Variants in GFI1B observed in about 807,000 individuals in gnomAD.
GFI1B encodes growth factor independent 1B transcriptional repressor.
GFI1B carries 20 observed loss-of-function variants against 35.3 expected under a neutral mutation model. The ratio of observed to expected loss-of-function variants is 0.57; its 90% CI spans 0.40 to 0.82. The LOEUF (loss-of-function observed/expected upper bound fraction) is 0.82. GFI1B is among the 40% of genes least tolerant of loss of function. The probability of loss-of-function intolerance (pLI) is 0.00; values close to 1 mark genes in which losing one functional copy is unlikely to be tolerated. For synonymous variants in GFI1B, 178 were observed against 177.6 expected, an observed-to-expected ratio of 1.00 and a Z score of -0.02; for missense variants, 430 against 446.3, an observed-to-expected ratio of 0.96 and a Z score of 0.33.
intron 1 of GFI1B, among the ~76,000 whole-genome samples, chr9:132,986,377 C>T (rs1364933872): frequency 1.3e-5 from 2 of 152,148 alleles, no homozygotes; most frequent in East Asian, 3.9e-4. Flanking sequence ...CCCTGGGTGT[C>T]TGTGTCTCTG....
At chr9:132,983,233 A>G (rs1379414002) in intron 1 of GFI1B, among the ~76,000 whole-genome samples, 1 of 124,388 alleles carries the variant, frequency 8.0e-6, no homozygotes, top group Non-Finnish European at 1.6e-5. Context: ...TGGCTCTGTC[A>G]CCCAGGCTGA....
At chr9:132,984,868 T>C (rs1848979458) in intron 1 of GFI1B, among the ~76,000 whole-genome samples, 1 of 152,230 alleles carries the variant, frequency 6.6e-6, no homozygotes, top group Middle Eastern at 3.4e-3. Context: ...TCTGCCTGGC[T>C]GTGGTTCATC....
downstream of GFI1B, among the ~76,000 whole-genome samples, chr9:132,992,334 A>G (rs969775183): frequency 6.6e-6 from 1 of 152,126 alleles, no homozygotes; most frequent in Non-Finnish European, 1.5e-5. Flanking sequence ...AATGGCCCCA[A>G]AGATGATATC....
At chr9:132,990,357 A>T (rs1849251959) in intron 6 of GFI1B, among the ~76,000 whole-genome samples, 1 of 149,558 alleles carries the variant, frequency 6.7e-6, no homozygotes, top group Non-Finnish European at 1.5e-5. Context: ...TCATTTGCTC[A>T]TTCATTTGTT....
chr9:132,951,119 G>C (rs1848195068), intron 1 of GFI1B: 1 of 152,170 alleles, frequency 6.6e-6, no homozygotes, highest in Non-Finnish European at 1.5e-5. Flanking sequence ...TGGGGTTACA[G>C]GTGTGAGCCA....
intron 1 of GFI1B, among the ~76,000 whole-genome samples, chr9:132,986,237 C>T (rs918224668): frequency 7.4e-5 from 11 of 148,684 alleles, no homozygotes; most frequent in Non-Finnish European, 1.5e-4. Context: ...TGAGTTCTGG[C>T]GGCTGTCGGC....
rs181749411 is a variant in GFI1B, at chr9:132,984,339, G to A, written c.-20-2320G>A. ...GGGTGTGGGGAGCCCTGGTGAGGGA[G>A]GGGGAGGAGGCAAGAGGAGGAAGAC... On this transcript the variant is annotated intron_variant, in intron 1 of 6. Coordinates refer to ENST00000372122, the MANE Select transcript of GFI1B (RefSeq NM_001377304.1). Among the ~76,000 whole-genome samples, 41 of 152,300 alleles carry A rather than the reference G, an allele frequency of 2.7e-4. No homozygotes were observed. The East Asian group carries it at 5.2e-3, about 19-fold the overall frequency.
In GFI1B at chr9:132,989,324, C is replaced by A; in HGVS notation, c.648+126C>A. 1.1e-6 allele frequency: 1 copy of A among 911,310 alleles called. No individual in the cohort carries two copies. Among genetic ancestry groups the A allele is most frequent in the Non-Finnish European group, 1.7e-6 (1 of 572,954 alleles). The allele number at this position is 911,310 out of a possible 1,614,324, so 56.5% of individuals were successfully genotyped here. ...GGGTGACACAGATTGGGAGGGGTCCCCTAGTACCCACCTCCCTGGGTCTGG... is the reference window on the plus strand; with the variant it reads ...GGGTGACACAGATTGGGAGGGGTCCACTAGTACCCACCTCCCTGGGTCTGG... On this transcript the variant is annotated intron_variant, in intron 5 of 6. Transcript: ENST00000372122. The surrounding 1 kb of genome is among the most constrained non-coding windows in gnomAD (Gnocchi z 6.2).
intron 1 of GFI1B, among the ~76,000 whole-genome samples, chr9:132,981,442 G>A (rs765665989): frequency 6.6e-5 from 10 of 151,880 alleles, no homozygotes; most frequent in South Asian, 2.1e-4. Context: ...GATTTAGACC[G>A]GCCTGGGCAA....
chr9:132,986,718 A>T lies in GFI1B; in HGVS notation c.40A>T (p.Thr14Ser), dbSNP rs1481886997. 1.2e-6 allele frequency: 2 copies of T among 1,612,744 alleles called. No individual in the cohort carries two copies. The highest frequency in any genetic ancestry group is 1.7e-5 in the Admixed American group (1 of 59,888). Residue 14 changes from threonine (T) to serine (S), a missense_variant, in exon 2 of 7, where the codon ACC becomes TCC. Transcript: ENST00000372122. ...CCTGGTGAAGAGCAAGAAGGCTCACACCTACCACCAGCCCCGTGTGCAGGA... is the reference window on the plus strand; with the variant it reads ...CCTGGTGAAGAGCAAGAAGGCTCACTCCTACCACCAGCCCCGTGTGCAGGA... ...SFLVKSKKAH[T>S]YHQPRVQEDE...
upstream of GFI1B, among the ~76,000 whole-genome samples, chr9:132,974,179 T>C (rs563802237): frequency 6.6e-6 from 1 of 152,302 alleles, no homozygotes; most frequent in Admixed American, 6.5e-5. Context: ...CATTAGTGTC[T>C]CCCAAACACT....
Position 132,989,798 on chromosome 9 carries a change from G to A in GFI1B, c.705G>A (p.Leu235=). 6.2e-7 allele frequency: 1 copy of A among 1,614,064 alleles called. No individual in the cohort carries two copies. ...CGKAFKRSST[L]STHLLIHSDT... is the part of the protein sequence containing the mutation. Reference sequence around the variant, plus strand: ...AGGCCTTCAAGCGCTCGTCCACGCTGTCCACCCACCTGCTCATCCACTCAG... The same window carrying A: ...AGGCCTTCAAGCGCTCGTCCACGCTATCCACCCACCTGCTCATCCACTCAG... Residue 235 remains leucine (L), a synonymous_variant, in exon 6 of 7, where the codon CTG becomes CTA. Coordinates refer to ENST00000372122, the MANE Select transcript of GFI1B (RefSeq NM_001377304.1). This position sits in a 1 kb window ranked among gnomAD's most constrained non-coding sequence, Gnocchi z 6.2.
chr9:132,945,975 A>T (rs1319408861), intron 1 of GFI1B, among the ~76,000 whole-genome samples: 1 of 152,194 alleles, frequency 6.6e-6, no homozygotes, highest in Non-Finnish European at 1.5e-5. Flanking sequence ...GTGCCTTCAG[A>T]ATTCTGAAAA....
At chr9:132,963,185 CA>C (rs1181744249) in intron 1 of GFI1B, among the ~76,000 whole-genome samples, 1 of 149,226 alleles carries the variant, frequency 6.7e-6, no homozygotes, top group African/African-American at 2.5e-5. Context: ...ACTTTCATTT[CA>C]AAAAAATATT....
chr9:132,956,591 C>A (rs1349581015), intron 1 of GFI1B, among the ~76,000 whole-genome samples: 3 of 152,210 alleles, frequency 2.0e-5, no homozygotes, highest in Non-Finnish European at 4.4e-5. Flanking sequence ...TAAAATGTAC[C>A]ACCTGTTGCT....
At chr9:132,970,357 C>T (rs1439522433) in intron 1 of GFI1B, among the ~76,000 whole-genome samples, 6 of 152,090 alleles carry the variant, frequency 3.9e-5, no homozygotes, top group East Asian at 3.9e-4. Flanking sequence ...GGGTGCTACT[C>T]GAAGGGGCTT....
intron 1 of GFI1B, among the ~76,000 whole-genome samples, chr9:132,966,674 C>T (rs1848455629): frequency 6.6e-6 from 1 of 152,226 alleles, no homozygotes; most frequent in South Asian, 2.1e-4. Flanking sequence ...TGCTTGGCGA[C>T]AAAGTCCTAA....
chr9:132,959,611 TG>T (rs2132593321), intron 1 of GFI1B, among the ~76,000 whole-genome samples: 1 of 152,338 alleles, frequency 6.6e-6, no homozygotes, highest in African/African-American at 2.4e-5. Context: ...TACTGCAAAC[TG>T]GGTGGCTTAA....
intron 1 of GFI1B, among the ~76,000 whole-genome samples, chr9:132,971,959 G>T (rs147369742): frequency 1.6e-3 from 206 of 127,088 alleles, no homozygotes; most frequent in Non-Finnish European, 2.5e-3. Flanking sequence ...GGGTGACAAA[G>T]CAAGACTCTG....
Sources: allele counts gnomAD v4.1 joint callset (sites outside exome capture counted in the v4.1 genomes callset), GRCh38; gene constraint gnomAD v4.1.1; non-coding constraint Gnocchi (gnomAD v3.1); transcripts MANE v1.5; gene names NCBI Gene and HGNC (gene_info 2026-07-23, HGNC 2026-07-21).